NFIC: variants seen among roughly 807,000 people sequenced by gnomAD.
The protein encoded by NFIC is nuclear factor 1 C-type.
Under a neutral mutation model 54.4 loss-of-function variants are expected in NFIC, and 12 were observed. That is an observed-to-expected ratio of 0.22 (90% CI 0.14 to 0.36). NFIC has a LOEUF of 0.36. Ranked by LOEUF, NFIC falls within the 10% of genes least tolerant of loss-of-function variation. The pLI is 1.00. For missense variants in NFIC, 575 were observed against 718.2 expected (o/e 0.80, Z 2.28); for synonymous variants, 322 against 319.2 (o/e 1.01, Z -0.09).
At chr19:3,427,997 C>G (rs2082054437) in intron 3 of NFIC, among the ~76,000 whole-genome samples, 1 of 151,270 alleles carries the variant, frequency 6.6e-6, no homozygotes. Flanking sequence ...TGGAGAAACC[C>G]TGTCTCTACT....
chr19:3,451,109 A>G (rs998791492), intron 7 of NFIC, among the ~76,000 whole-genome samples: 5 of 152,236 alleles, frequency 3.3e-5, no homozygotes, highest in African/African-American at 1.2e-4. Flanking sequence ...GGCAGGCACC[A>G]CAATAGAATA....
At chr19:3,408,552 G>C (rs928670456) in intron 2 of NFIC, among the ~76,000 whole-genome samples, 2 of 151,970 alleles carry the variant, frequency 1.3e-5, no homozygotes, top group Non-Finnish European at 2.9e-5. Flanking sequence ...AGCAATCCTC[G>C]CACCTCAGCC....
At chr19:3,405,320 G>C (rs1240873543) in intron 2 of NFIC, among the ~76,000 whole-genome samples, 1 of 152,192 alleles carries the variant, frequency 6.6e-6, no homozygotes, top group Non-Finnish European at 1.5e-5. Context: ...TCCCTGGGGC[G>C]GGCGGGGAGT....
intron 2 of NFIC, among the ~76,000 whole-genome samples, chr19:3,391,808 TTATA>T (rs1039821039): frequency 6.6e-6 from 1 of 152,090 alleles, no homozygotes; most frequent in Non-Finnish European, 1.5e-5. Flanking sequence ...AAAAAAAATG[TTATA>T]TATGTAACAA....
intron 3 of NFIC, among the ~76,000 whole-genome samples, chr19:3,427,663 C>T (rs1406418955): frequency 6.7e-6 from 1 of 149,556 alleles, no homozygotes; most frequent in Non-Finnish European, 1.5e-5. Context: ...ACCGTCTCTA[C>T]TAAAAATACA....
intron 1 of NFIC, among the ~76,000 whole-genome samples, chr19:3,360,059 C>G (rs1259299310): frequency 6.1e-5 from 9 of 148,360 alleles, no homozygotes; most frequent in Non-Finnish European, 9.0e-5. Flanking sequence ...GCACGACCCC[C>G]GAGCGCGCAG....
At chr19:3,456,841 G>A (rs999509966) in intron 10 of NFIC, 1 of 605,328 alleles carries the variant, frequency 1.7e-6, no homozygotes. Context: ...CTGGGGGGAT[G>A]GGGTGTGGCC....
At chr19:3,404,086 C>G (rs2081602137) in intron 2 of NFIC, among the ~76,000 whole-genome samples, 1 of 149,970 alleles carries the variant, frequency 6.7e-6, no homozygotes, top group Non-Finnish European at 1.5e-5. Flanking sequence ...CGTGTGCGTT[C>G]AGCCCGTGGG....
chr19:3,377,819 G>A (rs757759870), intron 1 of NFIC, among the ~76,000 whole-genome samples: 8 of 151,866 alleles, frequency 5.3e-5, no homozygotes, highest in Non-Finnish European at 7.4e-5. Flanking sequence ...ACGGGGTTTC[G>A]ACATGTTGGT....
At position 3,396,298 on chromosome 19, in the gene NFIC, C is replaced by A. The variant is rs189043031; in HGVS notation, c.562+14055C>A. 1.3e-3 allele frequency among the ~76,000 whole-genome samples: 202 copies of A among 151,998 alleles called. 1 individual carries two copies. The highest frequency in any genetic ancestry group is 4.7e-3 in the African/African-American group (196 of 41,456). ...CATCCTGGCTAACGTGGTGAAACCC[C>A]GTCTCTACTAAAAATATGAAAATAT... On this transcript the variant is annotated intron_variant, in intron 2 of 10. Transcript: ENST00000443272.
In NFIC at chr19:3,393,184, C is replaced by T. The variant is rs961392956; in HGVS notation, c.562+10941C>T. 3.9e-5 allele frequency among the ~76,000 whole-genome samples: 6 copies of T among 152,182 alleles called. No individual in the cohort carries two copies. In the South Asian group the frequency reaches 6.2e-4, roughly 16 times the overall value. The stretch of plus-strand genomic sequence containing the variant: ...TCGTGATCCACCCACCTCGGCCTCC[C>T]GAATTGCTGGGATTACAGGTGTGAG... On this transcript the variant is annotated intron_variant, in intron 2 of 10. Coordinates refer to ENST00000443272, the MANE Select transcript of NFIC (RefSeq NM_001245002.2).
intron 1 of NFIC, chr19:3,371,321 A>ATTTTTTTT (rs753286253): frequency 8.0e-6 from 1 of 124,532 alleles, no homozygotes. Context: ...AGGCAGCACA[A>ATTTTTTTT]TTTTTTTTTT....
rs373520795 is a variant in NFIC at position 3,452,689 on chromosome 19, G to A, written c.1269+23G>A. The A allele has an allele frequency of 8.0e-5, 125 of 1,570,352 alleles. No homozygotes were observed. The highest frequency in any genetic ancestry group is 1.8e-4 in the African/African-American group (13 of 74,104). Reference sequence around the variant, plus strand: ...CCGGTGAGTTGGGCGGGGCGCATTCGGGCCTCTCCTGGCGGCTCCAGGTGA... The same window carrying A: ...CCGGTGAGTTGGGCGGGGCGCATTCAGGCCTCTCCTGGCGGCTCCAGGTGA... On this transcript the variant is annotated intron_variant, in intron 8 of 10. Transcript: ENST00000443272. This position sits in a 1 kb window ranked among gnomAD's most constrained non-coding sequence, Gnocchi z 5.3.
At chr19:3,379,723 G>A (rs896583373) in intron 1 of NFIC, among the ~76,000 whole-genome samples, 2 of 124,062 alleles carry the variant, frequency 1.6e-5, no homozygotes, top group South Asian at 2.5e-4. Context: ...GTCTCACTAC[G>A]TTGTCACCCG....
intron 2 of NFIC, among the ~76,000 whole-genome samples, 192 bp from the exon 3 acceptor site, chr19:3,424,914 T>C (rs1263125518): frequency 6.6e-6 from 1 of 152,204 alleles, no homozygotes; most frequent in Non-Finnish European, 1.5e-5. Context: ...GCCAGATGTC[T>C]GTGACCCTCT....
At chr19:3,359,777 G>C in intron 1 of NFIC, 1 of 1,274,628 alleles carries the variant, frequency 7.8e-7, no homozygotes, top group South Asian at 2.0e-5. Flanking sequence ...TGGGGGGACA[G>C]GGGGCGGGGG....
intron 2 of NFIC, among the ~76,000 whole-genome samples, chr19:3,413,235 C>T (rs1453927192): frequency 2.6e-5 from 4 of 152,108 alleles, no homozygotes; most frequent in African/African-American, 9.7e-5. Context: ...AGGCATGAGT[C>T]ACCGTGCCTG....
intron 1 of NFIC, among the ~76,000 whole-genome samples, chr19:3,368,084 A>C (rs1289678497): frequency 6.6e-6 from 1 of 151,990 alleles, no homozygotes; most frequent in Non-Finnish European, 1.5e-5. Flanking sequence ...GGGTTCCCGA[A>C]GAAGGCATCT....
At chr19:3,404,147 G>A (rs1049458138) in intron 2 of NFIC, among the ~76,000 whole-genome samples, 1 of 151,558 alleles carries the variant, frequency 6.6e-6, no homozygotes, top group Admixed American at 6.6e-5. Context: ...TCCCCCCCCC[G>A]TCACAGCCGC....
Sources: gnomAD v4.1 joint callset for allele counts (sites outside exome capture counted in the v4.1 genomes callset) on GRCh38, gnomAD v4.1.1 for gene constraint, Gnocchi (gnomAD v3.1) non-coding constraint, MANE v1.5 for transcripts, NCBI Gene and HGNC (gene_info 2026-07-23, HGNC 2026-07-21) for gene names.